The following PAK2 variants were observed in gnomAD, a reference collection of about 807,000 sequenced individuals.
PAK2 encodes the protein p21 (RAC1) activated kinase 2, also known as serine/threonine-protein kinase PAK 2.
A neutral mutation model predicts 65.9 loss-of-function variants in PAK2; 21 were observed. The observed-to-expected ratio is 0.32, with a 90% CI of 0.23 to 0.46. PAK2 has a LOEUF of 0.46. PAK2 is among the 20% of genes least tolerant of loss of function. The probability of loss-of-function intolerance (pLI) is 1.00; values close to 1 mark genes in which losing one functional copy is unlikely to be tolerated. For missense variants in PAK2, 324 were observed against 642.6 expected, an observed-to-expected ratio of 0.50 and a Z score of 5.36; for synonymous variants, 204 against 219.7, an observed-to-expected ratio of 0.93 and a Z score of 0.63.
rs1715594709 is a variant in PAK2 at position 196,806,655 on chromosome 3, T to C, written c.545T>C (p.Val182Ala). The C allele has an allele frequency of 6.2e-7, 1 of 1,611,536 alleles. No homozygotes were observed. Among genetic ancestry groups the C allele is most frequent in the East Asian group, 2.2e-5 (1 of 44,872 alleles). Residue 182 changes from valine to alanine, a missense_variant, in exon 6 of 15, where the codon GTT (valine) becomes GCT (alanine). Val to Ala is a moderately conservative substitution (Grantham distance 64). This residue lies in a region of PAK2 where 183 missense variants were observed against 246.2 expected (regional missense o/e 0.74). Transcript: ENST00000327134. Reference protein sequence around the residue: ...EDDDEETAPPVIAPRPDHTKS... With the variant: ...EDDDEETAPPAIAPRPDHTKS... ...GATGATGAAGAGACTGCTCCTCCCG[T>C]TATTGCCCCGCGACCGGATCATACG...
chr3:196,753,147 C>T (rs991729165), intron 1 of PAK2, among the ~76,000 whole-genome samples: 4 of 151,610 alleles, frequency 2.6e-5, no homozygotes, highest in South Asian at 2.1e-4. Flanking sequence ...TTAGTAGAGA[C>T]GAGGTTTCAT....
At chr3:196,780,279 T>C (rs1448764337) in intron 1 of PAK2, among the ~76,000 whole-genome samples, 1 of 152,210 alleles carries the variant, frequency 6.6e-6, no homozygotes, top group Non-Finnish European at 1.5e-5. Flanking sequence ...CTTAGTCTGT[T>C]TTCATGCTGC....
intron 1 of PAK2, among the ~76,000 whole-genome samples, chr3:196,769,890 G>A (rs1047729838): frequency 1.1e-4 from 17 of 152,008 alleles, no homozygotes; most frequent in Non-Finnish European, 4.4e-5. Context: ...ACTTTGCCCC[G>A]TCTCTAATGA....
chr3:196,782,174 A>G (rs1243579980), intron 1 of PAK2, among the ~76,000 whole-genome samples: 1 of 152,094 alleles, frequency 6.6e-6, no homozygotes, highest in East Asian at 1.9e-4. Context: ...GTTGGAGTGA[A>G]ATCAGATTGG....
At chr3:196,785,279 C>A (rs993205041) in intron 2 of PAK2, among the ~76,000 whole-genome samples, 7 of 152,046 alleles carry the variant, frequency 4.6e-5, no homozygotes, top group African/African-American at 1.7e-4. Context: ...TATACTGAGT[C>A]AGGATATAAA....
chr3:196,764,896 G>T (rs1419251463), intron 1 of PAK2, among the ~76,000 whole-genome samples: 38 of 142,684 alleles, frequency 2.7e-4, no homozygotes, highest in African/African-American at 9.9e-4. Flanking sequence ...AGGCTGGAGT[G>T]CAGTGGTGCG....
chr3:196,793,998 G>T lies in PAK2; in HGVS notation c.188-7929G>T, dbSNP rs147629858. ...ATACAAAAATTAGCTGGGCTCGGTG[G>T]CGTACACCTGTAATCCCAGCTACTC... is the stretch of plus-strand genomic sequence containing the variant. On this transcript the variant is annotated intron_variant, in intron 2 of 14. Transcript: ENST00000327134. 5.3e-4 allele frequency among the ~76,000 whole-genome samples: 81 copies of T among 152,178 alleles called. 1 individual carries two copies. Among genetic ancestry groups the T allele is most frequent in the African/African-American group, 1.9e-3 (78 of 41,510 alleles).
intron 1 of PAK2, among the ~76,000 whole-genome samples, chr3:196,759,129 G>A (rs1369953600): frequency 3.3e-5 from 5 of 152,176 alleles, no homozygotes; most frequent in African/African-American, 4.8e-5. Flanking sequence ...CTGTGAGGTC[G>A]TTGAAGTGAT....
At chr3:196,761,974 C>G (rs1166106451) in intron 1 of PAK2, among the ~76,000 whole-genome samples, 1 of 129,086 alleles carries the variant, frequency 7.7e-6, no homozygotes. Context: ...CTCCTCACTT[C>G]TCAGACGGGG....
At chr3:196,798,348 TC>T (rs771545801) in intron 2 of PAK2, among the ~76,000 whole-genome samples, 2 of 111,330 alleles carry the variant, frequency 1.8e-5, no homozygotes, top group African/African-American at 5.4e-5. Context: ...TTTTCTTTTC[TC>T]TTTTTTTTTT....
At chr3:196,805,477 C>T (rs1313457745) in intron 5 of PAK2, 94 bp downstream of exon 5, 1 of 652,870 alleles carries the variant, frequency 1.5e-6, no homozygotes, top group Non-Finnish European at 2.6e-6. Flanking sequence ...AAATAAATTA[C>T]AGCCATCAGA....
chr3:196,747,843 G>A (rs1165440877), intron 1 of PAK2, among the ~76,000 whole-genome samples: 3 of 152,196 alleles, frequency 2.0e-5, no homozygotes, highest in South Asian at 2.1e-4. Context: ...CAAAGAGGTA[G>A]CATTGTTTCT....
At chr3:196,812,421 C>T (rs1034576954) in intron 9 of PAK2, among the ~76,000 whole-genome samples, 154 bp downstream of exon 9, 1 of 152,062 alleles carries the variant, frequency 6.6e-6, no homozygotes, top group Non-Finnish European at 1.5e-5. Flanking sequence ...GTCAGTAAGG[C>T]GGGGAAGGAC....
rs767980811 is a variant in PAK2, at chr3:196,832,401, A to G, written c.*3996A>G. 1 of 152,064 alleles carries G rather than the reference A, an allele frequency of 6.6e-6. No individual in the cohort carries two copies. The highest frequency in any genetic ancestry group is 1.5e-5 in the Non-Finnish European group (1 of 68,002). The allele number at this position is 152,064 out of a possible 1,614,324, so 9.4% of individuals were successfully genotyped here. A position where few individuals can be genotyped will look rare whatever the true frequency, so the allele number is the denominator to read the frequency against. On this transcript the variant is annotated 3_prime_UTR_variant, in exon 15 of 15. Coordinates refer to ENST00000327134, the MANE Select transcript of PAK2 (RefSeq NM_002577.4). ...TAATTTAATCCCGTTCAATTATTTA[A>G]TTGTTATACATTGACATTAACTGCT...
chr3:196,811,324 T>TTTCC (rs1190806470), intron 8 of PAK2, among the ~76,000 whole-genome samples: 1 of 2,360 alleles, frequency 4.2e-4, no homozygotes, highest in African/African-American at 1.5e-3. Context: ...CTTTCCTTCC[T>TTTCC]TCCCTTCCCT....
chr3:196,807,954 C>A, intron 7 of PAK2, 40 bp downstream of exon 7: 1 of 1,565,696 alleles, frequency 6.4e-7, no homozygotes, highest in Non-Finnish European at 8.7e-7. Flanking sequence ...AAATTGTTCA[C>A]GGCTCTTAAA....
At chr3:196,765,350 A>G (rs1714128865) in intron 1 of PAK2, among the ~76,000 whole-genome samples, 1 of 151,840 alleles carries the variant, frequency 6.6e-6, no homozygotes, top group African/African-American at 2.4e-5. Context: ...GGGTTTTGCC[A>G]TGTTGGCCAG....
At chr3:196,804,325 C>G (rs1041935986) in intron 4 of PAK2, among the ~76,000 whole-genome samples, 10 of 152,260 alleles carry the variant, frequency 6.6e-5, no homozygotes, top group African/African-American at 2.4e-4. Context: ...CACACTTGCT[C>G]CTAGAACTTT....
rs1350309795 is a variant in PAK2 at position 196,830,742 on chromosome 3, CCT to C, written c.*2340_*2341del. On this transcript the variant is annotated 3_prime_UTR_variant, in exon 15 of 15. Transcript: ENST00000327134. Reference sequence around the variant, plus strand: ...TTCTTAAGTTACGTGGATAAACTAACCTCTAACAGAAATATACTTTGGTTAAT... The same window carrying C: ...TTCTTAAGTTACGTGGATAAACTAACCTAACAGAAATATACTTTGGTTAAT... 2 of 152,102 alleles carry C rather than the reference CCT, an allele frequency of 1.3e-5. No homozygotes were observed. Among genetic ancestry groups the C allele is most frequent in the African/African-American group, 4.8e-5 (2 of 41,414 alleles). 9.4% of individuals were successfully genotyped at this position (152,102 alleles called of 1,614,324 possible). A position where few individuals can be genotyped will look rare whatever the true frequency, so the allele number is the denominator to read the frequency against.
Sources: gnomAD v4.1 joint callset for allele counts (sites outside exome capture counted in the v4.1 genomes callset) on GRCh38, gnomAD v4.1.1 for gene constraint, gnomAD v4.1.1 regional missense constraint, MANE v1.5 for transcripts, NCBI Gene and HGNC (gene_info 2026-07-23, HGNC 2026-07-21) for gene names.